The following HS3ST4 variants were observed in gnomAD, a reference collection of about 807,000 sequenced individuals.
HS3ST4 encodes heparan sulfate-glucosamine 3-sulfotransferase 4, also known as heparan sulfate glucosamine 3-O-sulfotransferase 4.
In HS3ST4, 17 loss-of-function variants were observed where a neutral mutation model predicts 29.2. The ratio of observed to expected loss-of-function variants is 0.58; its 90% CI spans 0.40 to 0.87. HS3ST4 has a LOEUF of 0.87. Ranked by LOEUF, HS3ST4 falls within the 40% of genes least tolerant of loss-of-function variation. The pLI is 0.00. For synonymous variants in HS3ST4, 314 were observed against 285.7 expected (o/e 1.10, Z -1.00); for missense variants, 627 against 634.5 (o/e 0.99, Z 0.13).
At position 25,833,505 on chromosome 16, in the gene HS3ST4, G is replaced by T. The variant is rs552628999; in HGVS notation, c.734+140354G>T. Among the ~76,000 whole-genome samples, 11 of 152,290 alleles carry T rather than the reference G, an allele frequency of 7.2e-5. No individual in the cohort carries two copies. The East Asian group carries it at 1.9e-3, about 27-fold the overall frequency. ...TGAGTCAACCCATGTAAGGAACTTA[G>T]AACAGTACCTGATATATCATAAGCA... On this transcript the variant is annotated intron_variant, in intron 1 of 1. Coordinates refer to ENST00000331351, the MANE Select transcript of HS3ST4 (RefSeq NM_006040.3).
chr16:25,780,995 A>T (rs1012377479), intron 1 of HS3ST4, among the ~76,000 whole-genome samples: 1 of 152,218 alleles, frequency 6.6e-6, no homozygotes, highest in African/African-American at 2.4e-5. Flanking sequence ...GTTGCAAAAC[A>T]CAGTTGCACA....
In HS3ST4 at chr16:25,712,672, T is replaced by TA. The variant is rs969980867; in HGVS notation, c.734+19530dup. ...CAAAATCCTTTCAAATCAAGATTGT[T>TA]AAAAAAAAACAAAAACCCAGAAGCC... On this transcript the variant is annotated intron_variant, in intron 1 of 1. Transcript: ENST00000331351. 3.8e-3 allele frequency among the ~76,000 whole-genome samples: 565 copies of TA among 150,300 alleles called. 3 individuals are homozygous for TA. The highest frequency in any genetic ancestry group is 0.012 in the African/African-American group (510 of 40,882).
At chr16:26,086,215 TTTTA>T (rs778265316) in intron 1 of HS3ST4, among the ~76,000 whole-genome samples, 3 of 152,210 alleles carry the variant, frequency 2.0e-5, no homozygotes, top group Non-Finnish European at 4.4e-5. Context: ...TCTTGTTCTT[TTTTA>T]TTTTATAGTC....
chr16:26,047,192 T>C (rs1199734558), intron 1 of HS3ST4, among the ~76,000 whole-genome samples: 1 of 151,998 alleles, frequency 6.6e-6, no homozygotes, highest in Non-Finnish European at 1.5e-5. Context: ...CCTAACAGAG[T>C]TCTTGCATGA....
At chr16:25,983,074 A>G (rs1969024835) in intron 1 of HS3ST4, among the ~76,000 whole-genome samples, 1 of 152,192 alleles carries the variant, frequency 6.6e-6, no homozygotes, top group Admixed American at 6.5e-5. Flanking sequence ...ATAAATAAGT[A>G]AATATTTACT....
chr16:25,828,242 C>CTGTCTTTCTGTCTG (rs1371928058), intron 1 of HS3ST4, among the ~76,000 whole-genome samples: 3 of 75,014 alleles, frequency 4.0e-5, no homozygotes, highest in African/African-American at 1.7e-4. Context: ...TTCTTTCTTT[C>CTGTCTTTCTGTCTG]TCTTTCTTTC....
rs1968106945 is a variant in HS3ST4, at chr16:25,900,019, T to C, written c.734+206868T>C. Among the ~76,000 whole-genome samples the C allele has an allele frequency of 2.0e-5, 3 of 152,324 alleles. No homozygotes were observed. In the South Asian group the frequency reaches 6.2e-4, roughly 32 times the overall value. On this transcript the variant is annotated intron_variant, in intron 1 of 1. Coordinates refer to ENST00000331351, the MANE Select transcript of HS3ST4 (RefSeq NM_006040.3). ...TCCTGGTTAAATAAATCATAAATGT[T>C]CTCCTGCTTTGAGCCATTGTTAGCT...
intron 1 of HS3ST4, among the ~76,000 whole-genome samples, chr16:25,858,948 T>C (rs1199024014): frequency 6.6e-6 from 1 of 152,146 alleles, no homozygotes; most frequent in African/African-American, 2.4e-5. Flanking sequence ...CTTTTTGTCT[T>C]TCTTTAGTTT....
chr16:26,129,110 A>C (rs796746128), intron 1 of HS3ST4, among the ~76,000 whole-genome samples: 6 of 152,272 alleles, frequency 3.9e-5, no homozygotes, highest in African/African-American at 1.4e-4. Context: ...GACATTCATG[A>C]TGGTATCCAT....
intron 1 of HS3ST4, among the ~76,000 whole-genome samples, chr16:25,776,629 C>T (rs1409463480): frequency 6.6e-6 from 1 of 152,106 alleles, no homozygotes; most frequent in Non-Finnish European, 1.5e-5. Context: ...TTAACTGAGG[C>T]CTGTGTCAAA....
chr16:25,735,148 C>T lies in HS3ST4; in HGVS notation c.734+41997C>T, dbSNP rs185305449. On this transcript the variant is annotated intron_variant, in intron 1 of 1. Coordinates refer to ENST00000331351, the MANE Select transcript of HS3ST4 (RefSeq NM_006040.3). ...CTTGGGTAAGAGGCCAACATGTCTA[C>T]CTGCCTGAATGTGTAGGCAGTGAGC... is the stretch of plus-strand genomic sequence containing the variant. Among the ~76,000 whole-genome samples the T allele has an allele frequency of 2.4e-3, 361 of 152,326 alleles. 2 individuals are homozygous for T. The highest frequency in any genetic ancestry group is 4.0e-3 in the Non-Finnish European group (274 of 68,024).
chr16:26,110,950 G>A (rs1466906166), intron 1 of HS3ST4, among the ~76,000 whole-genome samples: 1 of 152,134 alleles, frequency 6.6e-6, no homozygotes, highest in Non-Finnish European at 1.5e-5. Context: ...GAGCCATGTA[G>A]TTTGTCCCTT....
At chr16:26,016,113 G>C (rs920493009) in intron 1 of HS3ST4, among the ~76,000 whole-genome samples, 3 of 152,202 alleles carry the variant, frequency 2.0e-5, no homozygotes, top group Admixed American at 1.3e-4. Flanking sequence ...AATCAGCATA[G>C]ACATGTATGG....
intron 1 of HS3ST4, among the ~76,000 whole-genome samples, chr16:25,950,396 A>G (rs919219071): frequency 6.6e-6 from 1 of 152,086 alleles, no homozygotes; most frequent in Admixed American, 6.5e-5. Flanking sequence ...GGTCTGGCTA[A>G]TAGGGTATAC....
chr16:25,728,501 C>T lies in HS3ST4; in HGVS notation c.734+35350C>T, dbSNP rs76354745. On this transcript the variant is annotated intron_variant, in intron 1 of 1. Transcript: ENST00000331351. ...AAAGTATATAAAGAGCCTAGCCTGA[C>T]GGCAGACCCTTCATAAGGACTGAAT... 4.1e-4 allele frequency among the ~76,000 whole-genome samples: 63 copies of T among 152,266 alleles called. 1 individual carries two copies. The East Asian group carries it at 5.6e-3, about 14-fold the overall frequency.
At chr16:25,915,259 C>T (rs9923153) in intron 1 of HS3ST4, among the ~76,000 whole-genome samples, 10,031 of 152,128 alleles carry the variant, frequency 0.066, 666 homozygotes, top group Admixed American at 0.19. Flanking sequence ...TGGGTTCCAC[C>T]GCGGAGCATC....
At chr16:25,857,944 C>CTTTCTTTCTTTCTTTA (rs1555469177) in intron 1 of HS3ST4, among the ~76,000 whole-genome samples, 20 of 51,462 alleles carry the variant, frequency 3.9e-4, no homozygotes, top group Middle Eastern at 5.9e-3. Flanking sequence ...TTCTTTCTTT[C>CTTTCTTTCTTTCTTTA]TTTCTTTCTT....
intron 1 of HS3ST4, among the ~76,000 whole-genome samples, chr16:25,738,247 G>A (rs755854226): frequency 1.4e-4 from 22 of 152,088 alleles, no homozygotes; most frequent in Non-Finnish European, 2.9e-4. Context: ...TGTCTCCTAC[G>A]GGAAGTTTTC....
At chr16:25,881,616 G>T (rs1051655219) in intron 1 of HS3ST4, among the ~76,000 whole-genome samples, 1 of 152,128 alleles carries the variant, frequency 6.6e-6, no homozygotes, top group Non-Finnish European at 1.5e-5. Context: ...CAGACAGAGG[G>T]CTCCTGCAGT....
Sources: allele counts gnomAD v4.1 joint callset (sites outside exome capture counted in the v4.1 genomes callset), GRCh38; gene constraint gnomAD v4.1.1; transcripts MANE v1.5; gene names NCBI Gene and HGNC (gene_info 2026-07-23, HGNC 2026-07-21).